Variants in TMCC1 observed in about 807,000 individuals in gnomAD.
The protein encoded by TMCC1 is transmembrane and coiled-coil domains protein 1.
TMCC1 carries 15 observed loss-of-function variants against 52.4 expected under a neutral mutation model. The observed-to-expected ratio is 0.29, with a 90% CI of 0.19 to 0.44. TMCC1 has a LOEUF of 0.44. Among genes scored for constraint, TMCC1 ranks in the 20% least tolerant of loss-of-function variants. The probability of loss-of-function intolerance (pLI) is 1.00; values close to 1 mark genes in which losing one functional copy is unlikely to be tolerated. For synonymous variants in TMCC1, 279 were observed against 301.9 expected (o/e 0.92, Z 0.79); for missense variants, 503 against 806.0 (o/e 0.62, Z 4.55).
intron 4 of TMCC1, among the ~76,000 whole-genome samples, chr3:129,759,518 T>A (rs2053312698): frequency 6.6e-6 from 1 of 151,324 alleles, no homozygotes; most frequent in South Asian, 2.1e-4. Context: ...TCCACCTACC[T>A]GAGCCTCCCC....
Position 129,828,112 on chromosome 3 carries a change from A to G in TMCC1, c.267T>C (p.Cys89=). The change falls in exon 4 of 7, where the codon TGT becomes TGC. Residue 89 remains cysteine (C), a synonymous_variant. Coordinates refer to ENST00000393238, the MANE Select transcript of TMCC1 (RefSeq NM_001017395.5). The surrounding 1 kb of genome is among the most constrained non-coding windows in gnomAD (Gnocchi z 4.1). ...PEMDLESQNA[C]AEIDGVPTHP... ...GGGTGGGGACACCATCAATCTCAGC[A>G]CATGCGTTCTGGCTTTCCAGATCCA... is the stretch of plus-strand genomic sequence containing the variant. 2 of 1,614,188 alleles carry G rather than the reference A, an allele frequency of 1.2e-6. No homozygotes were observed. The highest frequency in any genetic ancestry group is 1.7e-6 in the Non-Finnish European group (2 of 1,180,024).
intron 4 of TMCC1, among the ~76,000 whole-genome samples, chr3:129,786,142 G>A (rs765879314): frequency 9.9e-5 from 15 of 151,928 alleles, no homozygotes; most frequent in Admixed American, 3.3e-4. Flanking sequence ...GTTTTGCCAC[G>A]TTGGCCAGGC....
At chr3:129,823,109 T>C (rs1419453976) in intron 4 of TMCC1, among the ~76,000 whole-genome samples, 6 of 152,114 alleles carry the variant, frequency 3.9e-5, no homozygotes, top group African/African-American at 1.4e-4. Context: ...GTGGATCATT[T>C]GAGGTCACGA....
At chr3:129,714,615 C>T (rs1349440220) in intron 4 of TMCC1, among the ~76,000 whole-genome samples, 1 of 151,970 alleles carries the variant, frequency 6.6e-6, no homozygotes, top group Non-Finnish European at 1.5e-5. Flanking sequence ...CTTTTGGAGC[C>T]CAGAAAAGAT....
At chr3:129,688,149 GA>G in intron 4 of TMCC1, 2 of 985,072 alleles carry the variant, frequency 2.0e-6, no homozygotes, top group Non-Finnish European at 2.4e-6. Flanking sequence ...CAAAAAATAA[GA>G]AAAAAATCAC....
chr3:129,759,076 G>T (rs1429444947), intron 4 of TMCC1, among the ~76,000 whole-genome samples: 2 of 152,230 alleles, frequency 1.3e-5, no homozygotes, highest in East Asian at 3.9e-4. Flanking sequence ...GCAGATATCT[G>T]GATGGCTTCC....
chr3:129,784,979 T>C (rs906320913), intron 4 of TMCC1, among the ~76,000 whole-genome samples: 5 of 152,056 alleles, frequency 3.3e-5, no homozygotes, highest in African/African-American at 1.2e-4. Context: ...GACCCTCATC[T>C]CTTTTAAAAA....
At chr3:129,870,241 T>G (rs539540508) in intron 2 of TMCC1, among the ~76,000 whole-genome samples, 107 of 152,040 alleles carry the variant, frequency 7.0e-4, no homozygotes, top group Non-Finnish European at 1.2e-3. Context: ...TGACAAACAT[T>G]TCATTTTTTT....
chr3:129,787,015 T>C (rs761646774), intron 4 of TMCC1, among the ~76,000 whole-genome samples: 1 of 152,206 alleles, frequency 6.6e-6, no homozygotes, highest in Non-Finnish European at 1.5e-5. Context: ...AACAGCTATA[T>C]AAAATTAGAT....
chr3:129,861,808 C>T (rs756980005), intron 2 of TMCC1, among the ~76,000 whole-genome samples: 9 of 152,188 alleles, frequency 5.9e-5, no homozygotes, highest in Non-Finnish European at 1.0e-4. Flanking sequence ...AACAGCCTTA[C>T]GGTTCCTCAA....
intron 4 of TMCC1, among the ~76,000 whole-genome samples, chr3:129,742,340 T>C (rs1576651391): frequency 6.6e-6 from 1 of 152,150 alleles, no homozygotes; most frequent in Admixed American, 6.5e-5. Flanking sequence ...AAGGAACTTG[T>C]ACACAGAATA....
intron 2 of TMCC1, chr3:129,848,034 A>G (rs1307667950): frequency 6.6e-6 from 1 of 152,140 alleles, no homozygotes; most frequent in African/African-American, 2.4e-5. Flanking sequence ...TTGAGTTACA[A>G]TTCTTTATAT....
At chr3:129,877,440 C>T (rs1388712981) in intron 2 of TMCC1, among the ~76,000 whole-genome samples, 1 of 152,150 alleles carries the variant, frequency 6.6e-6, no homozygotes, top group African/African-American at 2.4e-5. Context: ...ACTCTAAACT[C>T]TGGAAATTAA....
intron 4 of TMCC1, among the ~76,000 whole-genome samples, chr3:129,681,534 G>A (rs1179112463): frequency 6.6e-6 from 1 of 151,832 alleles, no homozygotes; most frequent in African/African-American, 2.4e-5. Context: ...ATGAAATAGA[G>A]TATACAGAGG....
intron 4 of TMCC1, among the ~76,000 whole-genome samples, chr3:129,719,199 A>C (rs2049363660): frequency 6.6e-6 from 1 of 152,162 alleles, no homozygotes; most frequent in South Asian, 2.1e-4. Context: ...GTGAAGGTTA[A>C]ATGATCACCA....
intron 4 of TMCC1, among the ~76,000 whole-genome samples, chr3:129,816,960 T>C (rs2058127249): frequency 6.6e-6 from 1 of 151,912 alleles, no homozygotes; most frequent in Admixed American, 6.6e-5. Flanking sequence ...GCCAGGAATT[T>C]GAGGTGGCAA....
chr3:129,784,403 A>G (rs1207599408), intron 4 of TMCC1, among the ~76,000 whole-genome samples: 1 of 151,652 alleles, frequency 6.6e-6, no homozygotes, highest in Non-Finnish European at 1.5e-5. Context: ...CGTCTCTACT[A>G]AAAATACAAA....
At chr3:129,810,102 A>C (rs540126498) in intron 4 of TMCC1, among the ~76,000 whole-genome samples, 1 of 152,340 alleles carries the variant, frequency 6.6e-6, no homozygotes, top group African/African-American at 2.4e-5. Flanking sequence ...CACACCTGTA[A>C]TCCCAGCACT....
chr3:129,710,162 G>C (rs2048564142), intron 4 of TMCC1, among the ~76,000 whole-genome samples: 1 of 149,974 alleles, frequency 6.7e-6, no homozygotes, highest in South Asian at 2.1e-4. Context: ...TTCCAGCCTG[G>C]GCGACAGAGC....
Sources: gnomAD v4.1 joint callset for allele counts (sites outside exome capture counted in the v4.1 genomes callset) on GRCh38, gnomAD v4.1.1 for gene constraint, Gnocchi (gnomAD v3.1) non-coding constraint, MANE v1.5 for transcripts, NCBI Gene and HGNC (gene_info 2026-07-23, HGNC 2026-07-21) for gene names.